The following UBE2L3 variants were observed in gnomAD, a reference collection of about 807,000 sequenced individuals.
UBE2L3 encodes the protein ubiquitin-conjugating enzyme E2 L3.
A neutral mutation model predicts 17.8 loss-of-function variants in UBE2L3; 1 was observed. The ratio of observed to expected loss-of-function variants is 0.06; its 90% CI spans 0.02 to 0.27. The LOEUF (loss-of-function observed/expected upper bound fraction) is 0.27. UBE2L3 is among the 10% of genes least tolerant of loss of function. The pLI, the probability that UBE2L3 is intolerant of heterozygous loss-of-function variation, is 1.00. For missense variants in UBE2L3, 40 were observed against 192.6 expected, an observed-to-expected ratio of 0.21 and a Z score of 4.69; for synonymous variants, 44 against 68.5, an observed-to-expected ratio of 0.64 and a Z score of 1.76.
At chr22:21,603,309 C>T (rs1928962112) in intron 2 of UBE2L3, among the ~76,000 whole-genome samples, 1 of 151,066 alleles carries the variant, frequency 6.6e-6, no homozygotes, top group Non-Finnish European at 1.5e-5. Context: ...AGGCGGATCA[C>T]CTGAGGTCAG....
At chr22:21,593,216 T>G (rs951883103) in intron 2 of UBE2L3, among the ~76,000 whole-genome samples, 1 of 152,192 alleles carries the variant, frequency 6.6e-6, no homozygotes, top group Admixed American at 6.5e-5. Flanking sequence ...GGAGTGTGTC[T>G]GTGCTCCTGC....
intron 1 of UBE2L3, among the ~76,000 whole-genome samples, chr22:21,580,073 G>A (rs1322254873): frequency 6.6e-6 from 1 of 152,178 alleles, no homozygotes; most frequent in Non-Finnish European, 1.5e-5. Context: ...TGTAAATATT[G>A]GTCAATACTA....
intron 1 of UBE2L3, among the ~76,000 whole-genome samples, chr22:21,571,829 T>G (rs1478135337): frequency 6.6e-6 from 1 of 152,284 alleles, no homozygotes; most frequent in East Asian, 1.9e-4. Context: ...GTGAGGTAGT[T>G]TGCTTTTGAG....
upstream of UBE2L3, chr22:21,567,485 T>C (rs1408952065): frequency 4.5e-6 from 3 of 670,162 alleles, no homozygotes; most frequent in Non-Finnish European, 7.2e-6. Flanking sequence ...CAATCAGTAT[T>C]TATTATGCTC....
chr22:21,615,707 A>G (rs1269511944), intron 3 of UBE2L3, among the ~76,000 whole-genome samples: 1 of 152,186 alleles, frequency 6.6e-6, no homozygotes. Context: ...GTAGCCCCAA[A>G]ATCAATACTC....
intron 2 of UBE2L3, among the ~76,000 whole-genome samples, chr22:21,609,973 C>T (rs1929392009): frequency 6.6e-6 from 1 of 152,088 alleles, no homozygotes; most frequent in Non-Finnish European, 1.5e-5. Flanking sequence ...TTGCGGTGAG[C>T]CAAGATCGTG....
chr22:21,566,192 C>G (rs1052806933), upstream of UBE2L3, among the ~76,000 whole-genome samples: 8 of 150,934 alleles, frequency 5.3e-5, no homozygotes, highest in African/African-American at 1.7e-4. Flanking sequence ...AGGGTGGTCT[C>G]AAACTCCTGA....
chr22:21,556,713 C>T (rs1341919619), intron 1 of UBE2L3, among the ~76,000 whole-genome samples: 27 of 151,448 alleles, frequency 1.8e-4, no homozygotes, highest in African/African-American at 5.9e-4. Flanking sequence ...CCACCTGCCT[C>T]GGCCTCCCAA....
chr22:21,567,647 C>T, upstream of UBE2L3: 3 of 1,546,250 alleles, frequency 1.9e-6, no homozygotes, highest in Non-Finnish European at 2.6e-6. Context: ...CTCCTGTGCC[C>T]CGCCCCGCGG....
At position 21,570,020 on chromosome 22, in the gene UBE2L3, T is replaced by C. The variant is rs1386179109; in HGVS notation, c.27+2249T>C. Among the ~76,000 whole-genome samples, 3 of 152,232 alleles carry C rather than the reference T, an allele frequency of 2.0e-5. No individual in the cohort carries two copies. The East Asian group carries it at 5.8e-4, about 29-fold the overall frequency. ...AGAGAAGTCCCAGGTTCAACTCCAG[T>C]GCCAACTACTCTGTGAGCCCGTGCT... On this transcript the variant is annotated intron_variant, in intron 1 of 3. Coordinates refer to ENST00000342192, the MANE Select transcript of UBE2L3 (RefSeq NM_003347.4).
At chr22:21,607,278 C>T (rs554174546) in intron 2 of UBE2L3, among the ~76,000 whole-genome samples, 1 of 151,462 alleles carries the variant, frequency 6.6e-6, no homozygotes, top group South Asian at 2.1e-4. Flanking sequence ...AGGCCGAGGC[C>T]GGCAGTTCAC....
intron 3 of UBE2L3, among the ~76,000 whole-genome samples, chr22:21,617,544 A>G (rs1226925781): frequency 6.6e-6 from 1 of 152,056 alleles, no homozygotes; most frequent in South Asian, 2.1e-4. Context: ...TAGGGTTACA[A>G]GTGTGAGCTG....
intron 1 of UBE2L3, among the ~76,000 whole-genome samples, chr22:21,576,360 C>T (rs1386603444): frequency 4.7e-5 from 7 of 149,964 alleles, no homozygotes; most frequent in African/African-American, 7.4e-5. Flanking sequence ...TGCAGTGGTG[C>T]GATCTCGGCT....
intron 3 of UBE2L3, among the ~76,000 whole-genome samples, chr22:21,620,994 G>A (rs2148451885): frequency 6.6e-6 from 1 of 152,288 alleles, no homozygotes; most frequent in East Asian, 1.9e-4. Context: ...CCTATCTCCA[G>A]AGTACACAAG....
chr22:21,606,337 T>C (rs1219074496), intron 2 of UBE2L3, among the ~76,000 whole-genome samples: 1 of 151,920 alleles, frequency 6.6e-6, no homozygotes, highest in Non-Finnish European at 1.5e-5. Flanking sequence ...GTGTGGTGTG[T>C]GTGTGTGTGT....
At chr22:21,588,470 T>C (rs1321036610) in intron 1 of UBE2L3, among the ~76,000 whole-genome samples, 1 of 142,734 alleles carries the variant, frequency 7.0e-6, no homozygotes, top group East Asian at 2.0e-4. Context: ...TTTCTTTTTT[T>C]TTTTTTTTTT....
chr22:21,556,751 C>T (rs112063722), intron 1 of UBE2L3, among the ~76,000 whole-genome samples: 9,911 of 151,142 alleles, frequency 0.066, 575 homozygotes, highest in African/African-American at 0.23. Context: ...CATGAGCCAC[C>T]ACACCTGGCC....
At chr22:21,577,965 C>T (rs1927405220) in intron 1 of UBE2L3, among the ~76,000 whole-genome samples, 1 of 152,098 alleles carries the variant, frequency 6.6e-6, no homozygotes, top group Non-Finnish European at 1.5e-5. Flanking sequence ...CCACCTGACT[C>T]ACGGTGAGGA....
In UBE2L3 at chr22:21,623,368, ATGGCAAGGGCACCGGGC is replaced by A. The variant is rs1256332990; in HGVS notation, c.*1704_*1720del. On this transcript the variant is annotated 3_prime_UTR_variant, in exon 4 of 4. Coordinates refer to ENST00000342192, the MANE Select transcript of UBE2L3 (RefSeq NM_003347.4). Reference sequence around the variant, plus strand: ...TTCTGGAGACTCCCTTGTGCCCGGGATGGCAAGGGCACCGGGCTGGCGTTTCCACATCTGTCTTCATT... The same window carrying A: ...TTCTGGAGACTCCCTTGTGCCCGGGATGGCGTTTCCACATCTGTCTTCATT... 6.5e-6 allele frequency: 1 copy of A among 152,722 alleles called. No homozygotes were observed. Among genetic ancestry groups the A allele is most frequent in the East Asian group, 1.9e-4 (1 of 5,332 alleles). 9.5% of individuals were successfully genotyped at this position (152,722 alleles called of 1,614,324 possible). A position where few individuals can be genotyped will look rare whatever the true frequency, so the allele number is the denominator to read the frequency against.
Sources: gnomAD v4.1 joint callset for allele counts (sites outside exome capture counted in the v4.1 genomes callset) on GRCh38, gnomAD v4.1.1 for gene constraint, MANE v1.5 for transcripts, NCBI Gene and HGNC (gene_info 2026-07-23, HGNC 2026-07-21) for gene names.